The following ACACA variants were observed in gnomAD, a reference collection of about 807,000 sequenced individuals.
The protein encoded by ACACA is acetyl-CoA carboxylase 1.
In ACACA, 103 loss-of-function variants were observed where a neutral mutation model predicts 296.1. That is an observed-to-expected ratio of 0.35 (90% confidence interval 0.30 to 0.41). ACACA has a LOEUF of 0.41. ACACA is among the 10% of genes least tolerant of loss of function. The pLI is 1.00. For missense variants in ACACA, 1,554 were observed against 2,989.7 expected (o/e 0.52, Z 11.20); for synonymous variants, 953 against 1,038.6 (o/e 0.92, Z 1.58).
intron 25 of ACACA, among the ~76,000 whole-genome samples, chr17:37,233,164 C>T (rs1348045477): frequency 6.6e-6 from 1 of 152,204 alleles, no homozygotes; most frequent in African/African-American, 2.4e-5. Context: ...GCACCCCCCG[C>T]GTAATTACAC....
chr17:37,125,873 G>T (rs978341543), intron 47 of ACACA, 79 bp from the exon 48 acceptor site: 1 of 1,254,320 alleles, frequency 8.0e-7, no homozygotes, highest in South Asian at 1.2e-5. Context: ...CGAATTTAAG[G>T]TGGTTTGGGG....
Position 37,097,296 on chromosome 17 carries a change from ACTC to A in ACACA, c.6721-133_6721-131del. On this transcript the variant is annotated intron_variant, in intron 53 of 55. Coordinates refer to ENST00000616317, the MANE Select transcript of ACACA (RefSeq NM_198834.3). The surrounding 1 kb of genome is among the most constrained non-coding windows in gnomAD (Gnocchi z 4.8). The stretch of plus-strand genomic sequence containing the variant: ...TCACAGACCCAAGAGCTGGCTGTAA[ACTC>A]CTAGCACTTCCAGATGTCCCCCAGG... 1 of 1,022,476 alleles carries A rather than the reference ACTC, an allele frequency of 9.8e-7. No individual in the cohort carries two copies. Among genetic ancestry groups the A allele is most frequent in the Non-Finnish European group, 1.5e-6 (1 of 680,214 alleles). 63.3% of individuals were successfully genotyped at this position (1,022,476 alleles called of 1,614,324 possible).
At chr17:37,260,296 A>ATTTTT (rs1165828702) in intron 11 of ACACA, among the ~76,000 whole-genome samples, 19 of 18,972 alleles carry the variant, frequency 1.0e-3, no homozygotes, top group East Asian at 4.5e-3. Context: ...ATATATATAT[A>ATTTTT]TTTTTTTTTT....
At chr17:37,132,112 C>T (rs1419921171) in intron 45 of ACACA, among the ~76,000 whole-genome samples, 3 of 152,310 alleles carry the variant, frequency 2.0e-5, no homozygotes, top group East Asian at 1.9e-4. Flanking sequence ...ATAACACCTC[C>T]GCCACGGCCA....
At chr17:37,172,655 AT>A (rs1221842175) in intron 41 of ACACA, among the ~76,000 whole-genome samples, 1 of 152,224 alleles carries the variant, frequency 6.6e-6, no homozygotes, top group African/African-American at 2.4e-5. Context: ...AGGATTCAAA[AT>A]TGATTTTTCA....
At chr17:37,244,795 C>T (rs2080610822) in intron 20 of ACACA, 61 bp from the exon 21 acceptor site, 1 of 1,601,478 alleles carries the variant, frequency 6.2e-7, no homozygotes, top group African/African-American at 1.3e-5. Context: ...ACAAACACAC[C>T]ACTGCACTTA....
intron 1 of ACACA, among the ~76,000 whole-genome samples, chr17:37,363,313 G>A (rs1056311763): frequency 4.7e-5 from 7 of 149,568 alleles, no homozygotes; most frequent in Non-Finnish European, 8.9e-5. Context: ...CTCTCAAGTA[G>A]CTGGGATTAC....
intron 1 of ACACA, among the ~76,000 whole-genome samples, chr17:37,349,558 T>A (rs1441547897): frequency 1.4e-5 from 2 of 144,312 alleles, no homozygotes; most frequent in African/African-American, 4.9e-5. Flanking sequence ...TATATATATA[T>A]AGCTTTTTTT....
At chr17:37,292,052 C>T (rs889531494) in intron 3 of ACACA, among the ~76,000 whole-genome samples, 1 of 151,818 alleles carries the variant, frequency 6.6e-6, no homozygotes, top group Non-Finnish European at 1.5e-5. Context: ...TGTGCTTATG[C>T]ATCTAGTAAG....
At chr17:37,318,173 T>G (rs557853709) in intron 3 of ACACA, among the ~76,000 whole-genome samples, 3 of 152,302 alleles carry the variant, frequency 2.0e-5, no homozygotes, top group Non-Finnish European at 4.4e-5. Context: ...TTATTTCCCA[T>G]GTCAAAGCTT....
intron 10 of ACACA, among the ~76,000 whole-genome samples, chr17:37,269,600 T>G (rs1415557184): frequency 6.6e-6 from 1 of 152,178 alleles, no homozygotes; most frequent in African/African-American, 2.4e-5. Flanking sequence ...ACTGAATGCA[T>G]TATCACTTGC....
intron 2 of ACACA, among the ~76,000 whole-genome samples, chr17:37,338,382 C>T (rs951867100): frequency 6.6e-6 from 1 of 152,038 alleles, no homozygotes; most frequent in Non-Finnish European, 1.5e-5. Context: ...ACAGGCCAGG[C>T]ACAGTGGCTC....
intron 30 of ACACA, among the ~76,000 whole-genome samples, chr17:37,209,774 T>C (rs940494025): frequency 2.6e-5 from 4 of 152,208 alleles, no homozygotes; most frequent in Non-Finnish European, 4.4e-5. Context: ...TCAATTCCAA[T>C]CAGAATTGTT....
At chr17:37,285,113 G>A in intron 3 of ACACA, 143 bp from the exon 4 acceptor site, 9 of 944,648 alleles carry the variant, frequency 9.5e-6, no homozygotes, top group East Asian at 2.5e-5. Context: ...AAATAAAAGA[G>A]AGAAAAGAAA....
chr17:37,401,511 G>A (rs2051289501), intron 1 of ACACA, among the ~76,000 whole-genome samples: 1 of 149,716 alleles, frequency 6.7e-6, no homozygotes, highest in Non-Finnish European at 1.5e-5. Flanking sequence ...CCACTTATCT[G>A]ATGTAGGGGT....
At chr17:37,148,531 T>C (rs1197744969) in intron 45 of ACACA, among the ~76,000 whole-genome samples, 1 of 152,214 alleles carries the variant, frequency 6.6e-6, no homozygotes, top group East Asian at 1.9e-4. Flanking sequence ...TTTTCCTAAA[T>C]GGGAATGACA....
chr17:37,218,783 C>T (rs577142438), intron 29 of ACACA, among the ~76,000 whole-genome samples: 1 of 152,232 alleles, frequency 6.6e-6, no homozygotes, highest in South Asian at 2.1e-4. Context: ...TTTTCGCCTG[C>T]TTGATCAAAA....
chr17:37,312,106 G>A (rs1281039212), intron 3 of ACACA, among the ~76,000 whole-genome samples: 1 of 151,918 alleles, frequency 6.6e-6, no homozygotes, highest in Non-Finnish European at 1.5e-5. Context: ...AAAAAGGAGT[G>A]ATGACCTCCA....
At chr17:37,308,734 T>C (rs1005615563) in intron 3 of ACACA, among the ~76,000 whole-genome samples, 5 of 152,080 alleles carry the variant, frequency 3.3e-5, no homozygotes, top group Admixed American at 3.3e-4. Context: ...GGTCAGGAGT[T>C]TGAGATCAGC....
Sources: gnomAD v4.1 joint callset for allele counts (sites outside exome capture counted in the v4.1 genomes callset) on GRCh38, gnomAD v4.1.1 for gene constraint, Gnocchi (gnomAD v3.1) non-coding constraint, MANE v1.5 for transcripts, NCBI Gene and HGNC (gene_info 2026-07-23, HGNC 2026-07-21) for gene names.